The following COL4A4 variants were observed in gnomAD, a reference collection of about 807,000 sequenced individuals.
The protein encoded by COL4A4 is collagen type IV alpha 4 chain, also known as collagen alpha-4(IV) chain.
A neutral mutation model predicts 192.9 loss-of-function variants in COL4A4; 105 were observed. The observed-to-expected ratio is 0.54, with a 90% confidence interval of 0.46 to 0.64. COL4A4 has a LOEUF of 0.64. Among genes scored for constraint, COL4A4 ranks in the 30% least tolerant of loss-of-function variants. COL4A4 has a pLI of 0.00. For synonymous variants in COL4A4, 762 were observed against 769.9 expected, an observed-to-expected ratio of 0.99 and a Z score of 0.17; for missense variants, 1,967 against 2,169.3, an observed-to-expected ratio of 0.91 and a Z score of 1.85.
At chr2:226,993,897 C>T in the COL4A4 span, among the ~76,000 whole-genome samples, 4 of 152,186 alleles carry the variant, frequency 2.6e-5, no homozygotes, top group African/African-American at 9.7e-5. Context: ...CATAGATGGA[C>T]ACATCTTTGA....
Position 227,098,708 on chromosome 2 carries a change from C to T in COL4A4, c.1190G>A (p.Gly397Glu). 1 of 1,614,004 alleles carries T rather than the reference C, an allele frequency of 6.2e-7. No homozygotes were observed. Among genetic ancestry groups the T allele is most frequent in the Non-Finnish European group, 8.5e-7 (1 of 1,179,932 alleles). ...PGPPGLLGRP[G>E]EACAGMIGPP... is the part of the protein sequence containing the mutation. ...GGCATCCGTACCTGCACAGGCTTCCCCTGGTCTGCCCAAGAGACCTGGGGG... is the reference window on the plus strand; with the variant it reads ...GGCATCCGTACCTGCACAGGCTTCCTCTGGTCTGCCCAAGAGACCTGGGGG... The change falls in exon 19 of 48, where the codon GGG becomes GAG. Residue 397 changes from glycine to glutamate, a missense_variant. Physicochemically the swap from Gly to Glu is moderately conservative, Grantham distance 98 (BLOSUM62 -2). Transcript: ENST00000396625.
intron 12 of COL4A4, among the ~76,000 whole-genome samples, chr2:227,105,166 C>T (rs1439822946): frequency 6.8e-6 from 1 of 147,182 alleles, no homozygotes; most frequent in Admixed American, 6.8e-5. Context: ...TTCTATTATA[C>T]TAAAATCTCT....
chr2:227,067,410 A>G (rs2058414951), intron 25 of COL4A4, among the ~76,000 whole-genome samples: 1 of 152,242 alleles, frequency 6.6e-6, no homozygotes, highest in Non-Finnish European at 1.5e-5. Context: ...TCAACAGAAT[A>G]TACATTTTTT....
At chr2:227,130,274 G>T (rs2062363337) in intron 4 of COL4A4, among the ~76,000 whole-genome samples, 1 of 152,224 alleles carries the variant, frequency 6.6e-6, no homozygotes, top group African/African-American at 2.4e-5. Context: ...GCATGGTGCA[G>T]TGGGAAGAAC....
chr2:227,007,723 G>A lies in COL4A4; in HGVS notation c.4810-135C>T, dbSNP rs191966620. 160 of 1,267,884 alleles carry A rather than the reference G, an allele frequency of 1.3e-4. No homozygotes were observed. The African/African-American group carries it at 1.8e-3, about 14-fold the overall frequency. 78.5% of individuals were successfully genotyped at this position (1,267,884 alleles called of 1,614,324 possible). ...ATTCCATAAAGAACAAAATACAAGC[G>A]CTGAAAAGGAGTCGTACTCAGCATG... On this transcript the variant is annotated intron_variant, in intron 47 of 47. Transcript: ENST00000396625.
rs758671284 is a variant in COL4A4 at position 227,057,536 on chromosome 2, C to A, written c.2448G>T (p.Gly816=). Residue 816 remains glycine (G), a synonymous_variant, in exon 29 of 48, where the codon GGG becomes GGT. Coordinates refer to ENST00000396625, the MANE Select transcript of COL4A4 (RefSeq NM_000092.5). ...KGPKGREGHA[G]FPGVPGPPGH... ...CAGGTGGACCTGGGACACCTGGAAA[C>A]CCAGCATGTCCCTCTCTGCCTTTGG... 3 of 1,614,008 alleles carry A rather than the reference C, an allele frequency of 1.9e-6. No individual in the cohort carries two copies. Among genetic ancestry groups the A allele is most frequent in the South Asian group, 1.1e-5 (1 of 91,016 alleles).
At position 227,123,079 on chromosome 2, in the gene COL4A4, G is replaced by T. The variant is rs1339112170; in HGVS notation, c.193-1931C>A. Among the ~76,000 whole-genome samples the T allele has an allele frequency of 6.6e-6, 1 of 152,132 alleles. No homozygotes were observed. The highest frequency in any genetic ancestry group is 1.9e-4 in the East Asian group (1 of 5,158). Reference sequence around the variant, plus strand: ...TGGGTTTCAGTATGTTGGCCAGGCTGGTCTCGAACTCCTGACCTCAGGTGA... The same window carrying T: ...TGGGTTTCAGTATGTTGGCCAGGCTTGTCTCGAACTCCTGACCTCAGGTGA... On this transcript the variant is annotated intron_variant, in intron 4 of 47. Coordinates refer to ENST00000396625, the MANE Select transcript of COL4A4 (RefSeq NM_000092.5). This position sits in a 1 kb window ranked among gnomAD's most constrained non-coding sequence, Gnocchi z 4.6.
chr2:227,163,731 T>C (rs879600276), intron 1 of COL4A4, among the ~76,000 whole-genome samples: 6 of 152,226 alleles, frequency 3.9e-5, no homozygotes, highest in Admixed American at 3.9e-4. Context: ...GGGCTTTCTC[T>C]TTCTCCTCAG....
chr2:227,111,701 C>A lies in COL4A4; in HGVS notation c.571G>T (p.Asp191Tyr). Reference protein sequence around the residue: ...AVKGIQGDRGDPGLPGLPGSW... With the variant: ...AVKGIQGDRGYPGLPGLPGSW... Reference sequence around the variant, plus strand: ...ACTGGTAAGCCAGGCAGTCCTGGGTCCCCTCTGTCTCCCTGCAAAAATAAG... The same window carrying A: ...ACTGGTAAGCCAGGCAGTCCTGGGTACCCTCTGTCTCCCTGCAAAAATAAG... Residue 191 changes from aspartate to tyrosine, a missense_variant, in exon 9 of 48, where the codon GAC becomes TAC. Asp to Tyr is a radical substitution (Grantham distance 160, BLOSUM62 -3). Transcript: ENST00000396625. 1 of 1,614,058 alleles carries A rather than the reference C, an allele frequency of 6.2e-7. No individual in the cohort carries two copies. Among genetic ancestry groups the A allele is most frequent in the Non-Finnish European group, 8.5e-7 (1 of 1,179,938 alleles).
intron 4 of COL4A4, 146 bp from the exon 5 acceptor site, chr2:227,121,294 G>T: frequency 3.2e-6 from 3 of 950,968 alleles, no homozygotes; most frequent in Non-Finnish European, 4.7e-6. Flanking sequence ...GGAGATGGTG[G>T]CTCACACCTG....
chr2:227,009,117 A>C (rs2149730474), intron 46 of COL4A4, among the ~76,000 whole-genome samples: 1 of 152,364 alleles, frequency 6.6e-6, no homozygotes, highest in South Asian at 2.1e-4. Context: ...TGCTCAAAGA[A>C]ACTAGCCCCT....
intron 37 of COL4A4, among the ~76,000 whole-genome samples, chr2:227,034,629 A>G (rs1388774539): frequency 1.3e-5 from 2 of 150,624 alleles, no homozygotes; most frequent in African/African-American, 2.4e-5. Context: ...GGTTAGTTAC[A>G]TATGTATACA....
At position 227,032,291 on chromosome 2, in the gene COL4A4, C is replaced by T. The variant is rs1575920288; in HGVS notation, c.3578-15G>A. 1.9e-6 allele frequency: 3 copies of T among 1,609,940 alleles called. No individual in the cohort carries two copies. The East Asian group carries it at 6.7e-5, about 36-fold the overall frequency. ...ATCATGCAAACCTTAATGGGGAAAA[C>T]AGAATTAATACTATATCTTCTCTTT... On this transcript the variant is annotated splice_polypyrimidine_tract_variant and intron_variant, in intron 38 of 47. Coordinates refer to ENST00000396625, the MANE Select transcript of COL4A4 (RefSeq NM_000092.5).
At chr2:227,060,299 A>C in intron 26 of COL4A4, 56 bp from the exon 27 acceptor site, 1 of 1,177,950 alleles carries the variant, frequency 8.5e-7, no homozygotes, top group Non-Finnish European at 1.3e-6. Context: ...TAATGTGAAC[A>C]AAATGAGATG....
At chr2:227,031,041 AGATG>A (rs58038992) in intron 40 of COL4A4, among the ~76,000 whole-genome samples, 20 of 146,352 alleles carry the variant, frequency 1.4e-4, no homozygotes, top group Admixed American at 4.1e-4. Flanking sequence ...TTGGATGGAC[AGATG>A]GATGGATGGA....
chr2:227,086,684 AAACAAGCAG>A (rs1320930437), intron 22 of COL4A4, among the ~76,000 whole-genome samples: 1 of 152,198 alleles, frequency 6.6e-6, no homozygotes, highest in Non-Finnish European at 1.5e-5. Flanking sequence ...AACCCTAGAT[AAACAAGCAG>A]TCCTCACTCA....
chr2:227,021,697 C>T (rs368173571), intron 44 of COL4A4, among the ~76,000 whole-genome samples: 4 of 151,936 alleles, frequency 2.6e-5, no homozygotes, highest in South Asian at 2.1e-4. Flanking sequence ...TGGTGGTGGG[C>T]GCCTGTAGTC....
the COL4A4 span, among the ~76,000 whole-genome samples, chr2:226,982,100 C>A: frequency 1.3e-5 from 2 of 152,210 alleles, no homozygotes. Flanking sequence ...TCTTTTCTTG[C>A]CCAGCAAGCA....
chr2:227,055,907 C>G, intron 30 of COL4A4, 38 bp downstream of exon 30: 1 of 1,586,456 alleles, frequency 6.3e-7, no homozygotes, highest in East Asian at 2.2e-5. Flanking sequence ...TTTCATGTTT[C>G]TAAGATGGGA....
Sources: gnomAD v4.1 joint callset for allele counts (sites outside exome capture counted in the v4.1 genomes callset) on GRCh38, gnomAD v4.1.1 for gene constraint, Gnocchi (gnomAD v3.1) non-coding constraint, MANE v1.5 for transcripts, NCBI Gene and HGNC (gene_info 2026-07-23, HGNC 2026-07-21) for gene names.